Variants in TACC2 observed in about 807,000 individuals in gnomAD.
TACC2 encodes transforming acidic coiled-coil-containing protein 2.
A neutral mutation model predicts 227.3 loss-of-function variants in TACC2; 137 were observed. The observed-to-expected ratio is 0.60, with a 90% CI of 0.52 to 0.69. TACC2 has a LOEUF of 0.69. Ranked by LOEUF, TACC2 falls within the 30% of genes least tolerant of loss-of-function variation. The pLI is 0.00. For missense variants in TACC2, 3,470 were observed against 3,694.4 expected, an observed-to-expected ratio of 0.94 and a Z score of 1.57; for synonymous variants, 1,523 against 1,487.5, an observed-to-expected ratio of 1.02 and a Z score of -0.55.
At chr10:122,107,898 C>CTTTTT (rs143830637) in intron 5 of TACC2, among the ~76,000 whole-genome samples, 1 of 108,440 alleles carries the variant, frequency 9.2e-6, no homozygotes, top group Non-Finnish European at 1.7e-5. Flanking sequence ...TTTCTTTTTT[C>CTTTTT]TTTTTTTTTT....
rs114788663 is a variant in TACC2 at position 122,173,018 on chromosome 10, T to C, written c.5835-22022T>C. On this transcript the variant is annotated intron_variant, in intron 7 of 22. Coordinates refer to ENST00000369005, the MANE Select transcript of TACC2 (RefSeq NM_206862.4). The stretch of plus-strand genomic sequence containing the variant: ...TGTACCCAGAACATCCTCAGACAGG[T>C]TTTGCCTGTGGCCTCAGCTTGGGTA... Among the ~76,000 whole-genome samples the C allele has an allele frequency of 2.3e-3, 356 of 152,148 alleles. 2 individuals are homozygous for C. Among genetic ancestry groups the C allele is most frequent in the African/African-American group, 7.8e-3 (324 of 41,508 alleles).
intron 2 of TACC2, chr10:122,023,844 G>A (rs905592661): frequency 1.4e-4 from 21 of 150,942 alleles, no homozygotes; most frequent in African/African-American, 4.6e-4. Flanking sequence ...AAGACTGGGT[G>A]TGAGACAACA....
Position 122,205,365 on chromosome 10 carries a change from A to G in TACC2, c.5972-5032A>G, listed in dbSNP as rs1207033966. Among the ~76,000 whole-genome samples the G allele has an allele frequency of 6.6e-6, 1 of 152,094 alleles. No individual in the cohort carries two copies. Among genetic ancestry groups the G allele is most frequent in the African/African-American group, 2.4e-5 (1 of 41,418 alleles). On this transcript the variant is annotated intron_variant, in intron 8 of 22. Transcript: ENST00000369005. This position sits in a 1 kb window ranked among gnomAD's most constrained non-coding sequence, Gnocchi z 4.5. ...GGTCGGTTTTGGGTTTGGTTTCTTG[A>G]GCTGTCTGTTTTGGACCACATCAGA...
chr10:121,990,560 A>T (rs1164560832), intron 1 of TACC2, among the ~76,000 whole-genome samples: 1 of 152,056 alleles, frequency 6.6e-6, no homozygotes, highest in Non-Finnish European at 1.5e-5. Context: ...CGTTCCCACC[A>T]TTGTTCCTGG....
chr10:122,086,609 C>T lies in TACC2; in HGVS notation c.4109C>T (p.Thr1370Ile). 6.3e-7 allele frequency: 1 copy of T among 1,597,688 alleles called. No individual in the cohort carries two copies. Residue 1370 changes from threonine to isoleucine, a missense_variant, in exon 4 of 23, where the codon ACA becomes ATA. Coordinates refer to ENST00000369005, the MANE Select transcript of TACC2 (RefSeq NM_206862.4). ...ATGGCAGGTGATGCAGCAGGAGAGA[C>T]AGAGGGCAGCATGGAGAGGATGGGA... is the stretch of plus-strand genomic sequence containing the variant. ...EGMAGDAAGE[T>I]EGSMERMGEP...
At chr10:122,135,708 G>A (rs991491217) in intron 6 of TACC2, among the ~76,000 whole-genome samples, 1 of 152,174 alleles carries the variant, frequency 6.6e-6, no homozygotes, top group Admixed American at 6.5e-5. Context: ...AAAATGTATT[G>A]ATTACCCCAG....
intron 3 of TACC2, among the ~76,000 whole-genome samples, chr10:122,079,624 G>C (rs909782716): frequency 6.6e-6 from 1 of 152,216 alleles, no homozygotes. Flanking sequence ...ATGACGCCGC[G>C]TGTACTTCAG....
intron 7 of TACC2, among the ~76,000 whole-genome samples, chr10:122,147,621 C>G (rs1482280160): frequency 6.6e-6 from 1 of 152,186 alleles, no homozygotes; most frequent in African/African-American, 2.4e-5. Context: ...TTAATTGATT[C>G]AATCATGTAT....
chr10:122,184,542 C>A (rs951090002), intron 7 of TACC2, among the ~76,000 whole-genome samples: 1 of 152,174 alleles, frequency 6.6e-6, no homozygotes, highest in Admixed American at 6.5e-5. Context: ...CCCCTGCGTC[C>A]CCAGCAGTGT....
chr10:122,087,806 C>T lies in TACC2; in HGVS notation c.5306C>T (p.Pro1769Leu), dbSNP rs778553198. 5.6e-5 allele frequency: 89 copies of T among 1,578,902 alleles called. No homozygotes were observed. In the Middle Eastern group the frequency reaches 6.8e-4, roughly 12 times the overall value. ...ACAGCTGCCCTTCATGGGGACAGCC[C>T]AGCCAGGCCCCAGCAGGCTAAGGAG... ...EGTAALHGDS[P>L]ARPQQAKEQP... is the part of the protein sequence containing the mutation. Residue 1769 changes from proline to leucine, a missense_variant, in exon 4 of 23, where the codon CCA becomes CTA. By Grantham distance (98) the Pro-to-Leu change is moderately conservative (BLOSUM62 -3). This residue lies in a region of TACC2 where 1,924 missense variants were observed against 1,978.3 expected (regional missense o/e 0.97). Transcript: ENST00000369005.
intron 5 of TACC2, among the ~76,000 whole-genome samples, chr10:122,107,170 G>A (rs1480348540): frequency 6.6e-6 from 1 of 152,234 alleles, no homozygotes; most frequent in Non-Finnish European, 1.5e-5. Flanking sequence ...AGTTTTGAAA[G>A]CAACCAATAA....
At chr10:122,061,851 A>G (rs1366025368) in intron 3 of TACC2, among the ~76,000 whole-genome samples, 1 of 152,034 alleles carries the variant, frequency 6.6e-6, no homozygotes, top group East Asian at 1.9e-4. Context: ...GGGGAGAACC[A>G]GGAGAGGTCT....
At chr10:122,228,370 C>T (rs966242783) in intron 14 of TACC2, among the ~76,000 whole-genome samples, 1 of 152,082 alleles carries the variant, frequency 6.6e-6, no homozygotes. Context: ...TTTTGGGAAA[C>T]AGTTAGTTTT....
chr10:122,087,574 C>G lies in TACC2; in HGVS notation c.5074C>G (p.Pro1692Ala), dbSNP rs756680474. ...ACCAACTGGAGAAGTGGCAGACACT[C>G]CCCTGGAGCCTGGCAAGGTGGCAGG... ...APPTGEVADT[P>A]LEPGKVAGAA... The change falls in exon 4 of 23, where the codon CCC becomes GCC. Residue 1692 changes from proline (P) to alanine (A), a missense_variant. This residue lies in a region of TACC2 where 1,924 missense variants were observed against 1,978.3 expected (regional missense o/e 0.97). Transcript: ENST00000369005. 1.9e-6 allele frequency: 3 copies of G among 1,613,740 alleles called. No homozygotes were observed. The highest frequency in any genetic ancestry group is 2.5e-6 in the Non-Finnish European group (3 of 1,180,046).
chr10:122,081,850 A>G (rs2079544932), intron 3 of TACC2, among the ~76,000 whole-genome samples: 1 of 152,160 alleles, frequency 6.6e-6, no homozygotes, highest in South Asian at 2.1e-4. Context: ...CTCACCTGTT[A>G]AATGTGAAGA....
chr10:122,002,117 G>T (rs1954442758), intron 1 of TACC2, among the ~76,000 whole-genome samples: 2 of 152,178 alleles, frequency 1.3e-5, no homozygotes, highest in African/African-American at 4.8e-5. Context: ...CATCTTCTTG[G>T]TTTGCAGATG....
intron 8 of TACC2, among the ~76,000 whole-genome samples, chr10:122,207,551 G>GT (rs2095162554): frequency 6.6e-6 from 1 of 152,190 alleles, no homozygotes; most frequent in African/African-American, 2.4e-5. Context: ...AGGGATGCTG[G>GT]TAAGCATCCT....
chr10:122,112,857 G>C (rs1029954269), intron 5 of TACC2, among the ~76,000 whole-genome samples: 1 of 152,064 alleles, frequency 6.6e-6, no homozygotes, highest in African/African-American at 2.4e-5. Context: ...GGGCCCCTCG[G>C]TGCGTCTGGG....
chr10:122,063,008 G>A (rs2077004894), intron 3 of TACC2, among the ~76,000 whole-genome samples: 1 of 152,148 alleles, frequency 6.6e-6, no homozygotes, highest in African/African-American at 2.4e-5. Flanking sequence ...TGGCAGGGCG[G>A]GGACTAGAAC....
Sources: gnomAD v4.1 joint callset for allele counts (sites outside exome capture counted in the v4.1 genomes callset) on GRCh38, gnomAD v4.1.1 for gene constraint, gnomAD v4.1.1 regional missense constraint, Gnocchi (gnomAD v3.1) non-coding constraint, MANE v1.5 for transcripts, NCBI Gene and HGNC (gene_info 2026-07-23, HGNC 2026-07-21) for gene names.